EIF5A2: variants seen among roughly 807,000 people sequenced by gnomAD.
EIF5A2 encodes the protein eukaryotic translation initiation factor 5A-2.
In EIF5A2, 15 loss-of-function variants were observed where a neutral mutation model predicts 16.4. That is an observed-to-expected ratio of 0.92 (90% CI 0.61 to 1.41). The LOEUF is 1.41. Ranked by LOEUF, EIF5A2 falls within the 40% of genes most tolerant of loss-of-function variation. EIF5A2 has a pLI of 0.00. For missense variants in EIF5A2, 144 were observed against 189.5 expected, an observed-to-expected ratio of 0.76 and a Z score of 1.41; for synonymous variants, 48 against 61.1, an observed-to-expected ratio of 0.79 and a Z score of 1.00.
At position 170,890,887 on chromosome 3, in the gene EIF5A2, C is replaced by T. The variant is rs1355765139; in HGVS notation, c.*2473G>A. 3 of 152,508 alleles carry T rather than the reference C, an allele frequency of 2.0e-5. No homozygotes were observed. Among genetic ancestry groups the T allele is most frequent in the Non-Finnish European group, 4.4e-5 (3 of 67,976 alleles). 9.4% of individuals were successfully genotyped at this position (152,508 alleles called of 1,614,324 possible). On this transcript the variant is annotated 3_prime_UTR_variant, in exon 5 of 5. Transcript: ENST00000295822. The stretch of plus-strand genomic sequence containing the variant: ...TTTTAATATAATTTATAAAGCTTTA[C>T]TAAATATTTTGTTCTAGAGAAACAT...
intron 3 of EIF5A2, among the ~76,000 whole-genome samples, chr3:170,897,086 C>T (rs962459112): frequency 7.2e-5 from 11 of 152,328 alleles, no homozygotes; most frequent in East Asian, 1.9e-4. Flanking sequence ...TAAGAAATTT[C>T]TAAGCAGCAA....
chr3:170,902,455 G>A (rs13087832), intron 3 of EIF5A2, among the ~76,000 whole-genome samples: 24,110 of 136,954 alleles, frequency 0.18, 2,092 homozygotes, highest in Middle Eastern at 0.28. Context: ...CCAGGCTACA[G>A]TGCAGTGGTG....
intron 3 of EIF5A2, among the ~76,000 whole-genome samples, chr3:170,896,305 A>G (rs945303189): frequency 6.6e-6 from 1 of 152,256 alleles, no homozygotes; most frequent in Admixed American, 6.5e-5. Context: ...TATTAAATAC[A>G]ATTAGTTTTC....
At position 170,889,041 on chromosome 3, in the gene EIF5A2, A is replaced by C. The variant is rs1407010398; in HGVS notation, c.*4319T>G. 7 of 109,440 alleles carry C rather than the reference A, an allele frequency of 6.4e-5. No homozygotes were observed. The Admixed American group carries it at 8.0e-4, about 13-fold the overall frequency. 6.8% of individuals were successfully genotyped at this position (109,440 alleles called of 1,614,324 possible). ...TTTAGGGACTTCATATAAATACAAT[A>C]ACCTGTCTTTTTTTTTTTTTTTTTT... On this transcript the variant is annotated 3_prime_UTR_variant, in exon 5 of 5. Transcript: ENST00000295822.
At chr3:170,907,410 C>T (rs181173583) in intron 2 of EIF5A2, among the ~76,000 whole-genome samples, 1 of 152,204 alleles carries the variant, frequency 6.6e-6, no homozygotes. Context: ...TCTTATAGGT[C>T]ACTAGGATTC....
rs1712723158 is a variant in EIF5A2 at position 170,898,280 on chromosome 3, T to C, written c.271-3857A>G. Among the ~76,000 whole-genome samples the C allele has an allele frequency of 2.0e-5, 3 of 152,170 alleles. No homozygotes were observed. In the South Asian group the frequency reaches 6.2e-4, roughly 31 times the overall value. On this transcript the variant is annotated intron_variant, in intron 3 of 4. Transcript: ENST00000295822. ...ACTGTTGAGAAGGCATGATTGTGTT[T>C]TGAAAGTGAGAACATGAGATTTGGA...
rs1712512246 is a variant in EIF5A2 at position 170,890,699 on chromosome 3, T to G, written c.*2661A>C. The G allele has an allele frequency of 1.3e-5, 2 of 152,568 alleles. No individual in the cohort carries two copies. The highest frequency in any genetic ancestry group is 4.8e-5 in the African/African-American group (2 of 41,466). The allele number at this position is 152,568 out of a possible 1,614,324, so 9.5% of individuals were successfully genotyped here. A position where few individuals can be genotyped will look rare whatever the true frequency, so the allele number is the denominator to read the frequency against. ...AAAATGGCTTATCACTGTACAATGA[T>G]ATCAACATGACAGTCCACATTCTAT... On this transcript the variant is annotated 3_prime_UTR_variant, in exon 5 of 5. Coordinates refer to ENST00000295822, the MANE Select transcript of EIF5A2 (RefSeq NM_020390.6).
intron 3 of EIF5A2, among the ~76,000 whole-genome samples, chr3:170,899,230 G>T (rs1434957530): frequency 6.6e-6 from 1 of 151,456 alleles, no homozygotes; most frequent in East Asian, 1.9e-4. Context: ...TTTGTTTTTT[G>T]GGGGGTTTGG....
intron 3 of EIF5A2, among the ~76,000 whole-genome samples, chr3:170,900,199 C>G (rs1000100359): frequency 2.6e-5 from 4 of 151,616 alleles, no homozygotes; most frequent in Non-Finnish European, 4.4e-5. Flanking sequence ...GGCAAAACCT[C>G]GTCTCTACTA....
chr3:170,895,246 G>T (rs547884486), intron 3 of EIF5A2, among the ~76,000 whole-genome samples: 21 of 151,572 alleles, frequency 1.4e-4, no homozygotes, highest in Non-Finnish European at 2.4e-4. Context: ...TTTCTAATTT[G>T]AGTATGAACA....
rs1712579966 is a variant in EIF5A2, at chr3:170,893,325, C to T, written c.*35G>A. ...AACCAAATTAGATCTGCAGTTGATTCAGACATAAACAGTGTTCATGCCTGA... is the reference window on the plus strand; with the variant it reads ...AACCAAATTAGATCTGCAGTTGATTTAGACATAAACAGTGTTCATGCCTGA... On this transcript the variant is annotated 3_prime_UTR_variant, in exon 5 of 5. Coordinates refer to ENST00000295822, the MANE Select transcript of EIF5A2 (RefSeq NM_020390.6). 4 of 1,606,642 alleles carry T rather than the reference C, an allele frequency of 2.5e-6. No homozygotes were observed. Among genetic ancestry groups the T allele is most frequent in the Non-Finnish European group, 3.4e-6 (4 of 1,176,276 alleles).
intron 3 of EIF5A2, among the ~76,000 whole-genome samples, chr3:170,897,553 C>T (rs1712703941): frequency 6.6e-6 from 1 of 152,158 alleles, no homozygotes; most frequent in South Asian, 2.1e-4. Context: ...GAGTGTAAGC[C>T]CTAATCCTTG....
Position 170,888,983 on chromosome 3 carries a change from A to G in EIF5A2, c.*4377T>C, listed in dbSNP as rs1297927455. 3.3e-5 allele frequency: 5 copies of G among 151,588 alleles called. No individual in the cohort carries two copies. Among genetic ancestry groups the G allele is most frequent in the Non-Finnish European group, 7.4e-5 (5 of 67,880 alleles). 9.4% of individuals were successfully genotyped at this position (151,588 alleles called of 1,614,324 possible). A position where few individuals can be genotyped will look rare whatever the true frequency, so the allele number is the denominator to read the frequency against. ...TTAAAAAGTGCAATCTTGAACTAAGATAAACTTAAGTCTATCAATACCAAG... is the reference window on the plus strand; with the variant it reads ...TTAAAAAGTGCAATCTTGAACTAAGGTAAACTTAAGTCTATCAATACCAAG... On this transcript the variant is annotated 3_prime_UTR_variant, in exon 5 of 5. Coordinates refer to ENST00000295822, the MANE Select transcript of EIF5A2 (RefSeq NM_020390.6).
chr3:170,907,985 C>T (rs1201963193), intron 1 of EIF5A2, 144 bp from the exon 2 acceptor site: 1 of 531,958 alleles, frequency 1.9e-6, no homozygotes, highest in Non-Finnish European at 3.0e-6. Flanking sequence ...TGGCCACTTT[C>T]TAACTCTGGC....
intron 3 of EIF5A2, among the ~76,000 whole-genome samples, chr3:170,900,655 G>A (rs796227250): frequency 6.6e-6 from 1 of 152,138 alleles, no homozygotes; most frequent in South Asian, 2.1e-4. Flanking sequence ...TTAAATGCTC[G>A]AGTTTATAAT....
intron 3 of EIF5A2, among the ~76,000 whole-genome samples, chr3:170,906,401 G>A (rs1450888917): frequency 6.6e-6 from 1 of 152,126 alleles, no homozygotes. Flanking sequence ...TTTAGCAAAA[G>A]GTCATAGCAT....
chr3:170,901,632 C>T (rs545313233), intron 3 of EIF5A2, among the ~76,000 whole-genome samples: 7 of 150,532 alleles, frequency 4.7e-5, no homozygotes, highest in African/African-American at 1.7e-4. Context: ...AATCTTGGCT[C>T]ACTGCAACCT....
intron 3 of EIF5A2, among the ~76,000 whole-genome samples, chr3:170,895,838 T>C (rs181109580): frequency 1.3e-5 from 2 of 152,142 alleles, no homozygotes; most frequent in South Asian, 4.1e-4. Context: ...TGTAACTTTT[T>C]AAAAAATATA....
Position 170,907,730 on chromosome 3 carries a change from C to T in EIF5A2, c.77G>A (p.Arg26His), listed in dbSNP as rs759982941. 76 of 1,609,856 alleles carry T rather than the reference C, an allele frequency of 4.7e-5. No individual in the cohort carries two copies. The South Asian group carries it at 8.4e-4, about 18-fold the overall frequency. The change falls in exon 2 of 5, where the codon CGC (arginine) becomes CAC (histidine). Residue 26 changes from arginine to histidine, a missense_variant. Arg to His is a conservative substitution (Grantham distance 29, BLOSUM62 0). Coordinates refer to ENST00000295822, the MANE Select transcript of EIF5A2 (RefSeq NM_020390.6). ...STYPMQCSAL[R>H]KNGFVVLKGR... ...TTTGAGCACCACGAAGCCGTTTTTGCGCAAGGCCGAGCACTGCATAGGGTA... is the reference window on the plus strand; with the variant it reads ...TTTGAGCACCACGAAGCCGTTTTTGTGCAAGGCCGAGCACTGCATAGGGTA...
Sources: gnomAD v4.1 joint callset for allele counts (sites outside exome capture counted in the v4.1 genomes callset) on GRCh38, gnomAD v4.1.1 for gene constraint, MANE v1.5 for transcripts, NCBI Gene and HGNC (gene_info 2026-07-23, HGNC 2026-07-21) for gene names.